The following AKR1C1 variants were observed in gnomAD, a reference collection of about 807,000 sequenced individuals.
AKR1C1 encodes the protein aldo-keto reductase family 1 member C1, also known as 20 alpha-hydroxysteroid dehydrogenase.
AKR1C1 carries 32 observed loss-of-function variants against 40.6 expected under a neutral mutation model. The ratio of observed to expected loss-of-function variants is 0.79; its 90% CI spans 0.60 to 1.06. The LOEUF is 1.06. Among genes scored for constraint, AKR1C1 ranks in the 50% least tolerant of loss-of-function variants. AKR1C1 has a pLI of 0.00. For synonymous variants in AKR1C1, 105 were observed against 134.2 expected (o/e 0.78, Z 1.50); for missense variants, 320 against 363.5 (o/e 0.88, Z 0.97).
In AKR1C1 at chr10:4,978,745, GA is replaced by G. The variant is rs1836567781; in HGVS notation, c.*1006del. The G allele has an allele frequency of 6.6e-6, 1 of 152,148 alleles. No individual in the cohort carries two copies. The highest frequency in any genetic ancestry group is 6.5e-5 in the Admixed American group (1 of 15,268). The allele number at this position is 152,148 out of a possible 1,614,324, so 9.4% of individuals were successfully genotyped here. A position where few individuals can be genotyped will look rare whatever the true frequency, so the allele number is the denominator to read the frequency against. ...TGCATGGCACTCAAGATTAAAATGG[GA>G]AATAATACATCTAATAAATCAAATG... On this transcript the variant is annotated 3_prime_UTR_variant, in exon 9 of 9. Coordinates refer to ENST00000380872, the MANE Select transcript of AKR1C1 (RefSeq NM_001353.6).
intron 5 of AKR1C1, among the ~76,000 whole-genome samples, chr10:4,970,957 T>C (rs1453634573): frequency 1.3e-4 from 20 of 151,140 alleles, no homozygotes; most frequent in Non-Finnish European, 2.2e-4. Context: ...ACTTAAAGTA[T>C]AATAAAAAAA....
Position 4,965,969 on chromosome 10 carries a change from G to T in AKR1C1, c.140G>T (p.Arg47Leu), listed in dbSNP as rs1138575. The T allele has an allele frequency of 1.1e-5, 17 of 1,614,148 alleles. No individual in the cohort carries two copies. The East Asian group carries it at 3.6e-4, about 34-fold the overall frequency. Residue 47 changes from arginine to leucine, a missense_variant, in exon 2 of 9, where the codon CGC (arginine) becomes CTC (leucine). By Grantham distance (102) the Arg-to-Leu change is moderately radical. Coordinates refer to ENST00000380872, the MANE Select transcript of AKR1C1 (RefSeq NM_001353.6). ...AAATTGGCAATTGAAGCTGGCTTCC[G>T]CCATATTGATTCTGCTCATTTATAC... ...ATKLAIEAGF[R>L]HIDSAHLYNN...
rs374849398 is a variant in AKR1C1, at chr10:4,977,755, T to C, written c.*13T>C. 4 of 1,610,508 alleles carry C rather than the reference T, an allele frequency of 2.5e-6. No homozygotes were observed. The highest frequency in any genetic ancestry group is 3.4e-6 in the Non-Finnish European group (4 of 1,177,572). On this transcript the variant is annotated 3_prime_UTR_variant, in exon 9 of 9. Transcript: ENST00000380872. Reference sequence around the variant, plus strand: ...TGATGAATATTAACATGGAGGGCATTGCATGAGGTCTGCCAGAAGGCCCTG... The same window carrying C: ...TGATGAATATTAACATGGAGGGCATCGCATGAGGTCTGCCAGAAGGCCCTG...
At chr10:4,966,292 G>C (rs1413591284) in intron 2 of AKR1C1, among the ~76,000 whole-genome samples, 1 of 152,198 alleles carries the variant, frequency 6.6e-6, no homozygotes, top group Non-Finnish European at 1.5e-5. Context: ...CCTTCAAAGT[G>C]CCTTTACTTT....
chr10:4,976,469 T>C (rs1836527602), intron 8 of AKR1C1, among the ~76,000 whole-genome samples: 1 of 152,166 alleles, frequency 6.6e-6, no homozygotes, highest in Admixed American at 6.5e-5. Flanking sequence ...TCTTTGCATG[T>C]TTGCCCATGA....
In AKR1C1 at chr10:4,969,830, A is replaced by T. The variant is rs1025667064; in HGVS notation, c.570+886A>T. ...TTTTTTTGTTTTATTTTATGTTTTA[A>T]AACTTAGAGTCAATCAGTGAAGATC... On this transcript the variant is annotated intron_variant, in intron 5 of 8. Transcript: ENST00000380872. 4.6e-6 allele frequency: 6 copies of T among 1,316,428 alleles called. No homozygotes were observed. The African/African-American group carries it at 5.9e-5, about 13-fold the overall frequency. The allele number at this position is 1,316,428 out of a possible 1,614,324, so 81.5% of individuals were successfully genotyped here.
intron 5 of AKR1C1, among the ~76,000 whole-genome samples, chr10:4,971,638 C>G: frequency 6.7e-6 from 1 of 148,966 alleles, no homozygotes; most frequent in Non-Finnish European, 1.5e-5. Context: ...ACATACAAAT[C>G]CATCATACAA....
Position 4,982,896 on chromosome 10 carries a change from G to T in AKR1C1, c.*5154G>T, listed in dbSNP as rs1171409163. The T allele has an allele frequency of 6.8e-6, 3 of 440,628 alleles. No individual in the cohort carries two copies. Among genetic ancestry groups the T allele is most frequent in the Non-Finnish European group, 1.4e-5 (3 of 219,516 alleles). 27.3% of individuals were successfully genotyped at this position (440,628 alleles called of 1,614,324 possible). A position where few individuals can be genotyped will look rare whatever the true frequency, so the allele number is the denominator to read the frequency against. On this transcript the variant is annotated 3_prime_UTR_variant, in exon 9 of 9. Coordinates refer to ENST00000380872, the MANE Select transcript of AKR1C1 (RefSeq NM_001353.6). ...GCGTACCACACCCTGACCAGTCAGA[G>T]GTCTTGAGTCGGTCCGCATGACAAG... is the stretch of plus-strand genomic sequence containing the variant.
chr10:4,977,059 G>C (rs781982194), intron 8 of AKR1C1, among the ~76,000 whole-genome samples: 4 of 152,156 alleles, frequency 2.6e-5, no homozygotes, highest in Non-Finnish European at 4.4e-5. Flanking sequence ...TAATCAAAAA[G>C]GATAGGCTCA....
intron 2 of AKR1C1, among the ~76,000 whole-genome samples, chr10:4,966,305 G>C (rs1028055761): frequency 6.6e-6 from 1 of 152,112 alleles, no homozygotes; most frequent in Admixed American, 6.5e-5. Context: ...TTTACTTTTT[G>C]AGCTCAGCAC....
chr10:4,972,273 G>A lies in AKR1C1; in HGVS notation c.643G>A (p.Ala215Thr). The A allele has an allele frequency of 6.2e-7, 1 of 1,613,834 alleles. No individual in the cohort carries two copies. The highest frequency in any genetic ancestry group is 8.5e-7 in the Non-Finnish European group (1 of 1,179,990). Residue 215 changes from alanine to threonine, a missense_variant, in exon 6 of 9, where the codon GCC becomes ACC. This residue lies in a region of AKR1C1 where 77 missense variants were observed against 125.3 expected (regional missense o/e 0.61). Coordinates refer to ENST00000380872, the MANE Select transcript of AKR1C1 (RefSeq NM_001353.6). ...CAAGTCAAAAGACATTGTTCTGGTT[G>A]CCTATAGTGCTCTGGGATCCCACCG... ...FCKSKDIVLV[A>T]YSALGSHREE... is the part of the protein sequence containing the mutation.
intron 7 of AKR1C1, among the ~76,000 whole-genome samples, chr10:4,973,915 T>TGTAC (rs1554770172): frequency 6.6e-4 from 99 of 150,358 alleles, no homozygotes; most frequent in Non-Finnish European, 1.2e-3. Context: ...ATATATGAAA[T>TGTAC]ATCATATATG....
chr10:4,971,888 C>G (rs541384696), intron 5 of AKR1C1, among the ~76,000 whole-genome samples: 1 of 151,310 alleles, frequency 6.6e-6, no homozygotes, highest in Admixed American at 6.6e-5. Flanking sequence ...ATTTCTGGCA[C>G]GATTTGATGC....
chr10:4,969,580 T>C (rs1836391311), intron 5 of AKR1C1: 5 of 1,421,252 alleles, frequency 3.5e-6, no homozygotes, highest in Non-Finnish European at 4.9e-6. Flanking sequence ...AGCTGACCTA[T>C]GACTGCCCCC....
At chr10:4,969,714 T>G in intron 5 of AKR1C1, 1 of 1,612,244 alleles carries the variant, frequency 6.2e-7, no homozygotes, top group Non-Finnish European at 8.5e-7. Flanking sequence ...TCCTGACTGG[T>G]GATTCCAGGC....
rs1138573 is a variant in AKR1C1, at chr10:4,965,961, T to G, written c.132T>G (p.Ala44=). 17 of 1,614,086 alleles carry G rather than the reference T, an allele frequency of 1.1e-5. No individual in the cohort carries two copies. The highest frequency in any genetic ancestry group is 1.4e-5 in the Non-Finnish European group (16 of 1,180,026). Residue 44 remains alanine, a synonymous_variant, in exon 2 of 9, where the codon GCT becomes GCG. Coordinates refer to ENST00000380872, the MANE Select transcript of AKR1C1 (RefSeq NM_001353.6). Reference sequence around the variant, plus strand: ...AGGCCACCAAATTGGCAATTGAAGCTGGCTTCCGCCATATTGATTCTGCTC... The same window carrying G: ...AGGCCACCAAATTGGCAATTGAAGCGGGCTTCCGCCATATTGATTCTGCTC... ...ALEATKLAIE[A]GFRHIDSAHL...
rs1246587954 is a variant in AKR1C1 at position 4,966,998 on chromosome 10, G to C, written c.324G>C (p.Leu108Phe). 6.2e-7 allele frequency: 1 copy of C among 1,613,714 alleles called. No homozygotes were observed. Among genetic ancestry groups the C allele is most frequent in the African/African-American group, 1.3e-5 (1 of 74,886 alleles). ...ALERSLKNLQ[L>F]DYVDLYLIHF... The stretch of plus-strand genomic sequence containing the variant: ...AAAGGTCACTGAAAAATCTTCAATT[G>C]GATTATGTTGACCTCTACCTTATTC... The change falls in exon 3 of 9, where the codon TTG (leucine) becomes TTC (phenylalanine). Residue 108 changes from leucine (L) to phenylalanine (F), a missense_variant. This residue lies in a region of AKR1C1 where 214 missense variants were observed against 214.8 expected (regional missense o/e 1.00). Coordinates refer to ENST00000380872, the MANE Select transcript of AKR1C1 (RefSeq NM_001353.6).
Position 4,973,626 on chromosome 10 carries a change from G to C in AKR1C1, c.846+877G>C, listed in dbSNP as rs564197785. Among the ~76,000 whole-genome samples, 40 of 152,220 alleles carry C rather than the reference G, an allele frequency of 2.6e-4. No individual in the cohort carries two copies. In the South Asian group the frequency reaches 7.9e-3, roughly 30 times the overall value. ...AGTTACAGGACAGGTCAGACTCAAG[G>C]GGTGGGGAAAAAGACACCACCTCTT... is the stretch of plus-strand genomic sequence containing the variant. On this transcript the variant is annotated intron_variant, in intron 7 of 8. Transcript: ENST00000380872.
At chr10:4,973,532 C>G (rs1292869313) in intron 7 of AKR1C1, among the ~76,000 whole-genome samples, 1 of 152,176 alleles carries the variant, frequency 6.6e-6, no homozygotes, top group Non-Finnish European at 1.5e-5. Context: ...TGGACATGTG[C>G]AAAGCCTTTT....
Sources: gnomAD v4.1 joint callset for allele counts (sites outside exome capture counted in the v4.1 genomes callset) on GRCh38, gnomAD v4.1.1 for gene constraint, gnomAD v4.1.1 regional missense constraint, MANE v1.5 for transcripts, NCBI Gene and HGNC (gene_info 2026-07-23, HGNC 2026-07-21) for gene names.